The following CBLB variants were observed in gnomAD, a reference collection of about 807,000 sequenced individuals.
CBLB encodes the protein E3 ubiquitin-protein ligase CBL-B.
In CBLB, 31 loss-of-function variants were observed where a neutral mutation model predicts 104.9. The ratio of observed to expected loss-of-function variants is 0.30; its 90% CI spans 0.22 to 0.40. The LOEUF (loss-of-function observed/expected upper bound fraction) is 0.40. CBLB is among the 10% of genes least tolerant of loss of function. The probability of loss-of-function intolerance (pLI) is 1.00; values close to 1 mark genes in which losing one functional copy is unlikely to be tolerated. For synonymous variants in CBLB, 440 were observed against 422.6 expected (o/e 1.04, Z -0.51); for missense variants, 1,062 against 1,214.6 (o/e 0.87, Z 1.87).
At chr3:105,819,618 CT>C (rs754072278) in intron 3 of CBLB, among the ~76,000 whole-genome samples, 50 of 152,098 alleles carry the variant, frequency 3.3e-4, no homozygotes, top group Non-Finnish European at 5.7e-4. Context: ...TATCTTTGCT[CT>C]CATTTCTACA....
chr3:105,664,890 A>T (rs2064202036), intron 18 of CBLB, among the ~76,000 whole-genome samples: 1 of 152,128 alleles, frequency 6.6e-6, no homozygotes, highest in African/African-American at 2.4e-5. Flanking sequence ...TTTACCACTG[A>T]ACATCTCCAA....
chr3:105,724,692 A>G (rs1465127532), intron 9 of CBLB, among the ~76,000 whole-genome samples: 1 of 152,194 alleles, frequency 6.6e-6, no homozygotes, highest in African/African-American at 2.4e-5. Context: ...AATGAATACA[A>G]TTTTAAACCT....
At chr3:105,669,547 C>G (rs1317253918) in intron 18 of CBLB, among the ~76,000 whole-genome samples, 2 of 152,150 alleles carry the variant, frequency 1.3e-5, no homozygotes, top group African/African-American at 4.8e-5. Flanking sequence ...AGACAACATT[C>G]TTATCTCCAA....
In CBLB at chr3:105,720,076, T is replaced by C. The variant is rs114461789; in HGVS notation, c.1378A>G (p.Met460Val). 2.3e-4 allele frequency: 374 copies of C among 1,613,980 alleles called. 1 individual carries two copies. The African/African-American group carries it at 4.4e-3, about 19-fold the overall frequency. The part of the protein sequence containing the change: ...DDDDDREESL[M>V]MNRLANVRKC... Reference sequence around the variant, plus strand: ...CGGACGTTTGCCAACCGATTCATCATCAAGGACTCCTCACGATCATCATCG... The same window carrying C: ...CGGACGTTTGCCAACCGATTCATCACCAAGGACTCCTCACGATCATCATCG... Residue 460 changes from methionine (M) to valine (V), a missense_variant, in exon 10 of 19, where the codon ATG becomes GTG. Met to Val is a conservative substitution (Grantham distance 21). This residue lies in a region of CBLB where 457 missense variants were observed against 632.0 expected (regional missense o/e 0.72). Transcript: ENST00000394030.
intron 2 of CBLB, among the ~76,000 whole-genome samples, chr3:105,866,497 T>G (rs1440234528): frequency 2.0e-5 from 3 of 152,320 alleles, no homozygotes; most frequent in East Asian, 3.9e-4. Context: ...TGAAATAAAG[T>G]CATAATGTGT....
At chr3:105,835,347 G>A (rs1230645286) in intron 3 of CBLB, among the ~76,000 whole-genome samples, 2 of 152,166 alleles carry the variant, frequency 1.3e-5, no homozygotes, top group Non-Finnish European at 2.9e-5. Flanking sequence ...CACAGTGAAG[G>A]AAATGTCCAG....
chr3:105,834,230 A>G (rs1208314517), intron 3 of CBLB, among the ~76,000 whole-genome samples: 1 of 152,188 alleles, frequency 6.6e-6, no homozygotes, highest in Non-Finnish European at 1.5e-5. Context: ...AAATGTTCTC[A>G]CCAGTTAAAA....
chr3:105,783,598 T>C (rs1292982775), intron 3 of CBLB, among the ~76,000 whole-genome samples: 8 of 152,102 alleles, frequency 5.3e-5, no homozygotes, highest in Non-Finnish European at 1.0e-4. Flanking sequence ...ATTACAAAGA[T>C]GAAGATGACA....
chr3:105,804,412 T>C (rs2083262050), intron 3 of CBLB, among the ~76,000 whole-genome samples: 2 of 151,694 alleles, frequency 1.3e-5, no homozygotes, highest in South Asian at 4.2e-4. Context: ...TCTTAGCTAC[T>C]AGGGAGGCTA....
In CBLB at chr3:105,681,834, G is replaced by C. The variant is rs1289735141; in HGVS notation, c.2202-16C>G. On this transcript the variant is annotated splice_polypyrimidine_tract_variant and intron_variant, in intron 14 of 18. Coordinates refer to ENST00000394030, the MANE Select transcript of CBLB (RefSeq NM_170662.5). ...ATCACAAGACCTAAAGGACAGTTCA[G>C]AGTAAAATTATATAAGGAGAATACT... is the stretch of plus-strand genomic sequence containing the variant. The C allele has an allele frequency of 6.9e-7, 1 of 1,456,550 alleles. No homozygotes were observed. The highest frequency in any genetic ancestry group is 9.6e-7 in the Non-Finnish European group (1 of 1,038,090). 90.2% of individuals were successfully genotyped at this position (1,456,550 alleles called of 1,614,324 possible). A position where few individuals can be genotyped will look rare whatever the true frequency, so the allele number is the denominator to read the frequency against.
At chr3:105,799,177 C>CA (rs11372400) in intron 3 of CBLB, among the ~76,000 whole-genome samples, 5,765 of 70,116 alleles carry the variant, frequency 0.082, 186 homozygotes, top group African/African-American at 0.12. Flanking sequence ...TGACAAAGAA[C>CA]AAAAAAAAAA....
Position 105,695,054 on chromosome 3 carries a change from T to C in CBLB, c.1960-1466A>G, listed in dbSNP as rs548911592. Among the ~76,000 whole-genome samples, 4 of 152,000 alleles carry C rather than the reference T, an allele frequency of 2.6e-5. No individual in the cohort carries two copies. In the South Asian group the frequency reaches 8.3e-4, roughly 31 times the overall value. On this transcript the variant is annotated intron_variant, in intron 12 of 18. Transcript: ENST00000394030. ...TTGAGCATTGGAAGTCATTCTTCAT[T>C]GGAATTCTTTGCATGCTGCAGGAAT...
At chr3:105,829,883 T>C (rs2087212617) in intron 3 of CBLB, among the ~76,000 whole-genome samples, 1 of 152,158 alleles carries the variant, frequency 6.6e-6, no homozygotes, top group Non-Finnish European at 1.5e-5. Context: ...ATCTATTACA[T>C]ATATTTGAAG....
chr3:105,683,469 T>C (rs1367709143), intron 14 of CBLB, among the ~76,000 whole-genome samples: 1 of 152,162 alleles, frequency 6.6e-6, no homozygotes, highest in African/African-American at 2.4e-5. Context: ...TTTCAAGATT[T>C]GGGAGCTCTG....
intron 4 of CBLB, among the ~76,000 whole-genome samples, chr3:105,755,691 C>T (rs1867190): frequency 0.21 from 31,765 of 151,974 alleles, 3,429 homozygotes; most frequent in Admixed American, 0.26. Flanking sequence ...ATTTACACAG[C>T]ACTTCTAGAA....
chr3:105,745,144 TA>T (rs2075980569), intron 6 of CBLB, among the ~76,000 whole-genome samples: 3 of 152,194 alleles, frequency 2.0e-5, no homozygotes, highest in Non-Finnish European at 4.4e-5. Flanking sequence ...AGCAGGTCTC[TA>T]ATATCCCTAC....
intron 5 of CBLB, among the ~76,000 whole-genome samples, chr3:105,748,312 G>C (rs1390529835): frequency 6.6e-6 from 1 of 152,148 alleles, no homozygotes; most frequent in African/African-American, 2.4e-5. Flanking sequence ...AGGGTCCTTG[G>C]CTGGTCTGCC....
At chr3:105,678,663 T>C in intron 16 of CBLB, 92 bp from the exon 17 acceptor site, 4 of 1,372,364 alleles carry the variant, frequency 2.9e-6, no homozygotes, top group South Asian at 1.2e-5. Flanking sequence ...TTTCTCTTGC[T>C]GCTTATAAAG....
intron 10 of CBLB, 55 bp from the exon 11 acceptor site, chr3:105,704,228 C>T: frequency 6.5e-7 from 1 of 1,529,138 alleles, no homozygotes; most frequent in Non-Finnish European, 9.1e-7. Flanking sequence ...AGAGTGTTCT[C>T]TGTTCTTAAA....
Sources: gnomAD v4.1 joint callset for allele counts (sites outside exome capture counted in the v4.1 genomes callset) on GRCh38, gnomAD v4.1.1 for gene constraint, gnomAD v4.1.1 regional missense constraint, MANE v1.5 for transcripts, NCBI Gene and HGNC (gene_info 2026-07-23, HGNC 2026-07-21) for gene names.